The following NPSR1 variants were observed in gnomAD, a reference collection of about 807,000 sequenced individuals.
NPSR1 encodes the protein neuropeptide S receptor 1, also known as neuropeptide S receptor.
Under a neutral mutation model 46.9 loss-of-function variants are expected in NPSR1, and 48 were observed. The observed-to-expected ratio is 1.02, with a 90% confidence interval of 0.81 to 1.30. The LOEUF (loss-of-function observed/expected upper bound fraction) is 1.30, where lower values mean the gene tolerates loss of function less well. Ranked by LOEUF, NPSR1 falls within the 50% of genes most tolerant of loss-of-function variation. The probability of loss-of-function intolerance (pLI) is 0.00; values close to 1 mark genes in which losing one functional copy is unlikely to be tolerated. For synonymous variants in NPSR1, 176 were observed against 168.1 expected (o/e 1.05, Z -0.36); for missense variants, 450 against 449.5 (o/e 1.00, Z -0.01).
chr7:34,878,089 C>T (rs370072027), exon 9 of NPSR1: 19 of 1,607,128 alleles, frequency 1.2e-5, no homozygotes, highest in African/African-American at 5.4e-5. Flanking sequence ...CATCCGTCTC[C>T]GTCAGCTCCA....
chr7:34,728,565 T>C (rs780464984), intron 2 of NPSR1, among the ~76,000 whole-genome samples: 2 of 152,152 alleles, frequency 1.3e-5, no homozygotes, highest in Non-Finnish European at 2.9e-5. Context: ...TGGAGAAAAT[T>C]CTCCCCCTCC....
At chr7:34,810,337 T>A (rs1185854986) in intron 3 of NPSR1, among the ~76,000 whole-genome samples, 2 of 152,248 alleles carry the variant, frequency 1.3e-5, no homozygotes, top group Non-Finnish European at 2.9e-5. Context: ...ATATATTTCA[T>A]TTAATCACAT....
intron 2 of NPSR1, among the ~76,000 whole-genome samples, chr7:34,738,908 C>A (rs1376202208): frequency 6.6e-6 from 1 of 152,092 alleles, no homozygotes; most frequent in South Asian, 2.1e-4. Flanking sequence ...CTTCCCCACA[C>A]CCCCCATCCA....
intron 2 of NPSR1, among the ~76,000 whole-genome samples, chr7:34,772,773 C>T (rs1247464192): frequency 2.0e-5 from 3 of 152,126 alleles, no homozygotes; most frequent in African/African-American, 7.2e-5. Flanking sequence ...AATTGTCTGC[C>T]ATCAATCACA....
chr7:34,803,918 G>A (rs1788560409), intron 3 of NPSR1, among the ~76,000 whole-genome samples: 1 of 151,854 alleles, frequency 6.6e-6, no homozygotes, highest in Non-Finnish European at 1.5e-5. Context: ...CCTATTCCTT[G>A]AAAAGCTCAA....
chr7:34,692,651 C>T (rs143192890), intron 2 of NPSR1, among the ~76,000 whole-genome samples: 156 of 151,314 alleles, frequency 1.0e-3, no homozygotes, highest in South Asian at 2.7e-3. Flanking sequence ...ACAAGGAAAG[C>T]GAGAACAAGC....
intron 4 of NPSR1, among the ~76,000 whole-genome samples, chr7:34,817,551 T>A (rs1026654591): frequency 2.8e-5 from 3 of 106,608 alleles, no homozygotes; most frequent in Admixed American, 1.0e-4. Flanking sequence ...GAGGGAATCC[T>A]CCCTAACTCA....
chr7:34,700,190 C>T (rs1057059110), intron 2 of NPSR1, among the ~76,000 whole-genome samples: 2 of 151,860 alleles, frequency 1.3e-5, no homozygotes, highest in East Asian at 1.9e-4. Flanking sequence ...AGTCATAAGG[C>T]GGATGTAACG....
Position 34,822,102 on chromosome 7 carries a change from T to C in NPSR1, c.479-5299T>C, listed in dbSNP as rs370514669. 4.6e-5 allele frequency among the ~76,000 whole-genome samples: 7 copies of C among 152,228 alleles called. No homozygotes were observed. The East Asian group carries it at 1.2e-3, about 25-fold the overall frequency. On this transcript the variant is annotated intron_variant, in intron 4 of 8. Transcript: ENST00000360581. ...TGTATAATTCAGCCCCCGGGAGAAC[T>C]CCCTGGCCTTGTAGAGGATGAACTG...
intron 2 of NPSR1, among the ~76,000 whole-genome samples, chr7:34,745,782 G>A (rs780916670): frequency 3.9e-5 from 6 of 152,154 alleles, no homozygotes; most frequent in Admixed American, 6.5e-5. Flanking sequence ...CCAAATTGCT[G>A]GGATTACAGG....
intron 3 of NPSR1, among the ~76,000 whole-genome samples, chr7:34,781,428 A>C (rs1787224855): frequency 6.6e-6 from 1 of 152,198 alleles, no homozygotes; most frequent in Admixed American, 6.5e-5. Context: ...AAAATGGAGA[A>C]TAACCACATA....
chr7:34,676,420 G>A (rs757718889), intron 1 of NPSR1, among the ~76,000 whole-genome samples: 4 of 152,144 alleles, frequency 2.6e-5, no homozygotes, highest in Non-Finnish European at 4.4e-5. Context: ...TTTCGTCCAC[G>A]AGGCTCACCT....
chr7:34,716,863 A>C (rs1484445700), intron 2 of NPSR1, among the ~76,000 whole-genome samples: 1 of 152,096 alleles, frequency 6.6e-6, no homozygotes, highest in Non-Finnish European at 1.5e-5. Context: ...CAAGTCTCTA[A>C]CTTGCCATTG....
chr7:34,684,749 A>G (rs1583803972), intron 2 of NPSR1, 65 bp downstream of exon 2: 2 of 1,327,622 alleles, frequency 1.5e-6, no homozygotes, highest in Admixed American at 3.1e-5. Context: ...TCCTGCTTTT[A>G]ATGAATTTTA....
Position 34,849,775 on chromosome 7 carries a change from A to C in NPSR1, c.*120A>C. The C allele has an allele frequency of 6.6e-7, 1 of 1,518,610 alleles. No homozygotes were observed. Among genetic ancestry groups the C allele is most frequent in the African/African-American group, 1.4e-5 (1 of 72,410 alleles). 94.1% of individuals were successfully genotyped at this position (1,518,610 alleles called of 1,614,324 possible). A position where few individuals can be genotyped will look rare whatever the true frequency, so the allele number is the denominator to read the frequency against. On this transcript the variant is annotated 3_prime_UTR_variant, in exon 9 of 9. Transcript: ENST00000360581. ...CACCCCACCCTCGTCATTACCTGGG[A>C]GATGCACAAGACAAATGTTCTAATG...
At chr7:34,852,224 T>C (rs189536304), downstream of NPSR1, among the ~76,000 whole-genome samples, 2 of 151,992 alleles carry the variant, frequency 1.3e-5, no homozygotes, top group Non-Finnish European at 2.9e-5. Flanking sequence ...GGCATGAACC[T>C]GGGAGGCGGA....
At chr7:34,824,361 G>A (rs1248316862) in intron 4 of NPSR1, among the ~76,000 whole-genome samples, 8 of 152,186 alleles carry the variant, frequency 5.3e-5, no homozygotes, top group African/African-American at 1.9e-4. Flanking sequence ...GACTTTCCGG[G>A]GGTGAGAAAC....
chr7:34,684,029 TA>T (rs1485541053), intron 1 of NPSR1, among the ~76,000 whole-genome samples: 1 of 152,196 alleles, frequency 6.6e-6, no homozygotes, highest in Non-Finnish European at 1.5e-5. Context: ...TTGCTATGTA[TA>T]TAATTTTACA....
intron 2 of NPSR1, among the ~76,000 whole-genome samples, chr7:34,685,595 T>C (rs1339028398): frequency 1.3e-5 from 2 of 152,192 alleles, no homozygotes; most frequent in Non-Finnish European, 2.9e-5. Flanking sequence ...CATTTCAACC[T>C]GTACTGTTAT....
Sources: gnomAD v4.1 joint callset for allele counts (sites outside exome capture counted in the v4.1 genomes callset) on GRCh38, gnomAD v4.1.1 for gene constraint, MANE v1.5 for transcripts, NCBI Gene and HGNC (gene_info 2026-07-23, HGNC 2026-07-21) for gene names.